Variants in PATL2 observed in about 807,000 individuals in gnomAD.
PATL2 encodes the protein protein PAT1 homolog 2.
PATL2 carries 73 observed loss-of-function variants against 77.0 expected under a neutral mutation model. The observed-to-expected ratio is 0.95, with a 90% CI of 0.78 to 1.15. The LOEUF is 1.15. Ranked by LOEUF, PATL2 falls within the 50% of genes most tolerant of loss-of-function variation. The pLI, the probability that PATL2 is intolerant of heterozygous loss-of-function variation, is 0.00. For missense variants in PATL2, 618 were observed against 655.4 expected (o/e 0.94, Z 0.62); for synonymous variants, 265 against 257.1 (o/e 1.03, Z -0.29).
intron 7 of PATL2, 122 bp downstream of exon 7, chr15:44,673,113 A>T (rs2085771372): frequency 1.6e-6 from 2 of 1,278,548 alleles, no homozygotes; most frequent in African/African-American, 1.5e-5. Flanking sequence ...ACGGAATTAG[A>T]CTATACCTCA....
chr15:44,691,817 A>T (rs556505095), intron 3 of PATL2, among the ~76,000 whole-genome samples: 3 of 152,232 alleles, frequency 2.0e-5, no homozygotes, highest in East Asian at 3.9e-4. Context: ...TAAATAAATA[A>T]GATACAAAGT....
chr15:44,683,284 T>G (rs888580148), intron 3 of PATL2, among the ~76,000 whole-genome samples: 2 of 151,940 alleles, frequency 1.3e-5, no homozygotes, highest in South Asian at 4.2e-4. Context: ...GGGAGCCAAG[T>G]GGTCTAGCTC....
intron 3 of PATL2, among the ~76,000 whole-genome samples, chr15:44,693,366 C>G (rs1271859490): frequency 6.6e-6 from 1 of 152,140 alleles, no homozygotes; most frequent in African/African-American, 2.4e-5. Context: ...TTTGGCTTTT[C>G]CACCTTCTAG....
intron 3 of PATL2, among the ~76,000 whole-genome samples, chr15:44,702,898 A>G (rs1224187623): frequency 2.6e-5 from 4 of 152,132 alleles, no homozygotes; most frequent in African/African-American, 9.7e-5. Flanking sequence ...GTGGTCTAAC[A>G]TATGGTCTAT....
chr15:44,665,855 A>G lies in PATL2; in HGVS notation c.*98T>C, dbSNP rs1167831314. On this transcript the variant is annotated 3_prime_UTR_variant, in exon 18 of 18. Transcript: ENST00000682850. Reference sequence around the variant, plus strand: ...GTTCTCCAATATATAAAGGCATAAGAAATGTCTTCAGACTCTCTGGATCCC... The same window carrying G: ...GTTCTCCAATATATAAAGGCATAAGGAATGTCTTCAGACTCTCTGGATCCC... 1 of 1,547,694 alleles carries G rather than the reference A, an allele frequency of 6.5e-7. No homozygotes were observed. The highest frequency in any genetic ancestry group is 8.7e-7 in the Non-Finnish European group (1 of 1,145,618).
intron 3 of PATL2, among the ~76,000 whole-genome samples, chr15:44,683,728 T>TCTCCC (rs2141231608): frequency 6.6e-6 from 1 of 152,292 alleles, no homozygotes; most frequent in African/African-American, 2.4e-5. Flanking sequence ...TCTCCCAGCA[T>TCTCCC]AGTGCTCAAG....
chr15:44,708,847 T>C (rs1249407571), intron 3 of PATL2, among the ~76,000 whole-genome samples: 3 of 152,210 alleles, frequency 2.0e-5, no homozygotes, highest in Non-Finnish European at 4.4e-5. Flanking sequence ...AGTGGCTGGA[T>C]ATTATGGCCA....
chr15:44,677,762 AT>A (rs1011051589), intron 3 of PATL2, among the ~76,000 whole-genome samples: 1 of 152,208 alleles, frequency 6.6e-6, no homozygotes, highest in African/African-American at 2.4e-5. Context: ...AAAGGAAAAT[AT>A]TTGTTTCAGA....
At position 44,673,275 on chromosome 15, in the gene PATL2, G is replaced by C; in HGVS notation, c.406C>G (p.Leu136Val). Reference sequence around the variant, plus strand: ...CACGAGGTCAGCAGGCTGCAGAAGAGAGTTGGGTCTGGTGAGGGCAGCCGA... The same window carrying C: ...CACGAGGTCAGCAGGCTGCAGAAGACAGTTGGGTCTGGTGAGGGCAGCCGA... ...GPRLPSPDPT[L>V]FCSLLTSWPP... The change falls in exon 7 of 18, where the codon CTC becomes GTC. Residue 136 changes from leucine (L) to valine (V), a missense_variant. By Grantham distance (32) the Leu-to-Val change is conservative (BLOSUM62 1). Coordinates refer to ENST00000682850, the MANE Select transcript of PATL2 (RefSeq NM_001387263.1). 6.4e-7 allele frequency: 1 copy of C among 1,551,686 alleles called. No individual in the cohort carries two copies. The highest frequency in any genetic ancestry group is 8.7e-7 in the Non-Finnish European group (1 of 1,146,992).
intron 3 of PATL2, among the ~76,000 whole-genome samples, chr15:44,697,171 C>T (rs1051637928): frequency 1.3e-5 from 2 of 151,752 alleles, no homozygotes; most frequent in African/African-American, 4.8e-5. Flanking sequence ...TCCTCCTCCT[C>T]CTTCTCCTCC....
chr15:44,687,875 C>A (rs1011508490), intron 3 of PATL2, among the ~76,000 whole-genome samples: 1 of 152,194 alleles, frequency 6.6e-6, no homozygotes, highest in Admixed American at 6.5e-5. Context: ...AGGAGAACTA[C>A]AAACCACTCC....
In PATL2 at chr15:44,687,155, C is replaced by T. The variant is rs550575004; in HGVS notation, c.-75-10590G>A. Among the ~76,000 whole-genome samples the T allele has an allele frequency of 3.5e-4, 54 of 152,290 alleles. No individual in the cohort carries two copies. The South Asian group carries it at 7.9e-3, about 22-fold the overall frequency. On this transcript the variant is annotated intron_variant, in intron 3 of 17. Transcript: ENST00000682850. ...TGATGAACATTGATGTGAAAGTCCT[C>T]AATAAAATACTGGCAAACCAAATCC... is the stretch of plus-strand genomic sequence containing the variant.
intron 3 of PATL2, among the ~76,000 whole-genome samples, chr15:44,689,125 TG>T (rs1298038014): frequency 6.6e-6 from 1 of 152,204 alleles, no homozygotes; most frequent in Non-Finnish European, 1.5e-5. Context: ...TCATCAACAT[TG>T]GTCATTAGAG....
At chr15:44,666,623 G>A (rs886163205) in intron 16 of PATL2, 82 bp from the exon 17 acceptor site, 18 of 1,361,406 alleles carry the variant, frequency 1.3e-5, no homozygotes, top group Non-Finnish European at 1.6e-5. Flanking sequence ...TTATCTTTCC[G>A]TTACTACTAC....
intron 3 of PATL2, among the ~76,000 whole-genome samples, chr15:44,682,835 C>T (rs1362130474): frequency 6.6e-6 from 1 of 152,214 alleles, no homozygotes; most frequent in African/African-American, 2.4e-5. Flanking sequence ...TGGTCTGTAG[C>T]TCCAAGAGAG....
Position 44,675,255 on chromosome 15 carries a change from A to C in PATL2, c.222+231T>G, listed in dbSNP as rs1171353365. On this transcript the variant is annotated intron_variant, in intron 5 of 17. Coordinates refer to ENST00000682850, the MANE Select transcript of PATL2 (RefSeq NM_001387263.1). The stretch of plus-strand genomic sequence containing the variant: ...GGGCCACCGCCTGTGGGCGATGCAC[A>C]GCTCTGCTAGGACCTGGTTTTAAGG... 1.3e-5 allele frequency: 7 copies of C among 531,890 alleles called. No homozygotes were observed. The East Asian group carries it at 1.6e-4, about 12-fold the overall frequency. 32.9% of individuals were successfully genotyped at this position (531,890 alleles called of 1,614,324 possible).
chr15:44,687,086 G>A (rs989970634), intron 3 of PATL2, among the ~76,000 whole-genome samples: 35 of 152,066 alleles, frequency 2.3e-4, no homozygotes, highest in Non-Finnish European at 4.6e-4. Context: ...CCAAAACCTG[G>A]CAGAGACACA....
intron 3 of PATL2, among the ~76,000 whole-genome samples, chr15:44,681,235 T>C (rs565459862): frequency 6.6e-6 from 1 of 152,242 alleles, no homozygotes; most frequent in Non-Finnish European, 1.5e-5. Context: ...CCCAGACTGG[T>C]CTCAAACTCC....
intron 3 of PATL2, among the ~76,000 whole-genome samples, chr15:44,707,580 C>T (rs923944638): frequency 6.6e-6 from 1 of 152,142 alleles, no homozygotes; most frequent in African/African-American, 2.4e-5. Context: ...CCCTATCCTA[C>T]TGCAGCTGAG....
Sources: gnomAD v4.1 joint callset for allele counts (sites outside exome capture counted in the v4.1 genomes callset) on GRCh38, gnomAD v4.1.1 for gene constraint, MANE v1.5 for transcripts, NCBI Gene and HGNC (gene_info 2026-07-23, HGNC 2026-07-21) for gene names.